The following PCDHA12 variants were observed in gnomAD, a reference collection of about 807,000 sequenced individuals.
PCDHA12 encodes the protein protocadherin alpha-12.
In PCDHA12, 44 loss-of-function variants were observed where a neutral mutation model predicts 60.0. The observed-to-expected ratio is 0.73, with a 90% CI of 0.58 to 0.94. The LOEUF (loss-of-function observed/expected upper bound fraction) is 0.94, where lower values mean the gene tolerates loss of function less well. PCDHA12 is among the 40% of genes least tolerant of loss of function. The probability of loss-of-function intolerance (pLI) is 0.00; values close to 1 mark genes in which losing one functional copy is unlikely to be tolerated. For missense variants in PCDHA12, 1,276 were observed against 1,239.7 expected (o/e 1.03, Z -0.44); for synonymous variants, 569 against 553.0 (o/e 1.03, Z -0.40).
intron 1 of PCDHA12, chr5:140,969,317 G>A (rs1554231675): frequency 6.2e-7 from 1 of 1,614,156 alleles, no homozygotes; most frequent in East Asian, 2.2e-5. Context: ...AAATGAGGCT[G>A]TTTCTCAAAA....
At chr5:140,903,429 G>T (rs782504374) in intron 1 of PCDHA12, among the ~76,000 whole-genome samples, 2 of 152,180 alleles carry the variant, frequency 1.3e-5, no homozygotes, top group South Asian at 4.1e-4. Context: ...AGCACAATAT[G>T]TATCAGTGGA....
chr5:140,956,194 A>G (rs1370463281), intron 1 of PCDHA12, among the ~76,000 whole-genome samples: 1 of 152,060 alleles, frequency 6.6e-6, no homozygotes, highest in Non-Finnish European at 1.5e-5. Flanking sequence ...GCTGAATAGG[A>G]GTGGTGAAAG....
intron 1 of PCDHA12, among the ~76,000 whole-genome samples, chr5:140,947,165 T>C (rs1034105702): frequency 6.6e-6 from 1 of 151,228 alleles, no homozygotes. Context: ...GGGTAGAAAA[T>C]GTGGTATATA....
intron 1 of PCDHA12, chr5:140,883,143 C>A (rs782699546): frequency 1.2e-6 from 2 of 1,614,042 alleles, no homozygotes; most frequent in South Asian, 1.1e-5. Context: ...GTGGTATATG[C>A]ATTTACCATA....
chr5:140,971,999 A>G (rs543282950), intron 1 of PCDHA12, among the ~76,000 whole-genome samples: 18 of 152,302 alleles, frequency 1.2e-4, no homozygotes, highest in African/African-American at 3.8e-4. Flanking sequence ...TCCAATGTTT[A>G]TATTCCCTTT....
chr5:140,953,961 G>C lies in PCDHA12; in HGVS notation c.2368-24988G>C, dbSNP rs140078691. ...CCCATTGCTCCCCCAACAGGCCCCA[G>C]TGTGTGTTGTTCCCCTTCATATTTT... On this transcript the variant is annotated intron_variant, in intron 1 of 3. Coordinates refer to ENST00000398631, the MANE Select transcript of PCDHA12 (RefSeq NM_018903.4). 1.0e-3 allele frequency among the ~76,000 whole-genome samples: 152 copies of C among 152,128 alleles called. 3 individuals are homozygous for C. In the East Asian group the frequency reaches 0.026, roughly 26 times the overall value.
At chr5:141,003,510 A>C (rs1468305070) in intron 3 of PCDHA12, among the ~76,000 whole-genome samples, 1 of 152,070 alleles carries the variant, frequency 6.6e-6, no homozygotes, top group African/African-American at 2.4e-5. Context: ...ATGGGGTTTC[A>C]CCATGTTCCC....
intron 1 of PCDHA12, among the ~76,000 whole-genome samples, chr5:140,950,382 A>G (rs1424724989): frequency 3.3e-5 from 5 of 151,950 alleles, no homozygotes; most frequent in African/African-American, 7.2e-5. Context: ...CTTCCATTTG[A>G]ATGATATAGA....
chr5:140,881,300 T>C, intron 1 of PCDHA12: 3 of 957,608 alleles, frequency 3.1e-6, no homozygotes, highest in Non-Finnish European at 3.7e-6. Flanking sequence ...ATGGAAACTT[T>C]AACCTCCTGG....
intron 3 of PCDHA12, among the ~76,000 whole-genome samples, chr5:140,995,873 C>T (rs1554254864): frequency 6.6e-6 from 1 of 152,126 alleles, no homozygotes; most frequent in Non-Finnish European, 1.5e-5. Flanking sequence ...AATTGTGCAA[C>T]CTGTGCTTCA....
rs1433546348 is a variant in PCDHA12, at chr5:140,877,005, C to A, written c.1533C>A (p.His511Gln). Residue 511 changes from histidine (H) to glutamine (Q), a missense_variant, in exon 1 of 4, where the codon CAC (histidine) becomes CAA (glutamine). By Grantham distance (24) the His-to-Gln change is conservative (BLOSUM62 0). Coordinates refer to ENST00000398631, the MANE Select transcript of PCDHA12 (RefSeq NM_018903.4). ...EHALSSYVSV[H>Q]AESGKVYALQ... ...CACTGTCGAGCTACGTGTCGGTGCA[C>A]GCGGAGAGCGGCAAGGTGTACGCGC... 6.2e-7 allele frequency: 1 copy of A among 1,612,356 alleles called. No homozygotes were observed. Among genetic ancestry groups the A allele is most frequent in the African/African-American group, 1.3e-5 (1 of 74,890 alleles).
At chr5:140,968,231 T>A in intron 1 of PCDHA12, 1 of 1,614,032 alleles carries the variant, frequency 6.2e-7, no homozygotes. Context: ...TGTGTTGCTC[T>A]GTACTGTGCA....
intron 1 of PCDHA12, among the ~76,000 whole-genome samples, chr5:140,974,053 T>C (rs529581642): frequency 6.6e-6 from 1 of 152,346 alleles, no homozygotes; most frequent in African/African-American, 2.4e-5. Flanking sequence ...TATGATAATA[T>C]TTGGAGCAGT....
At chr5:140,978,914 C>T (rs2096828574) in intron 1 of PCDHA12, 35 bp from the exon 2 acceptor site, 5 of 1,613,852 alleles carry the variant, frequency 3.1e-6, no homozygotes, top group Non-Finnish European at 3.4e-6. Flanking sequence ...ATTGTCTTGT[C>T]ATTTTAACAG....
intron 1 of PCDHA12, among the ~76,000 whole-genome samples, chr5:140,959,996 A>T (rs1042631849): frequency 3.3e-5 from 5 of 152,228 alleles, no homozygotes; most frequent in Admixed American, 6.5e-5. Context: ...GATATGAAAT[A>T]CAAATCTATT....
At chr5:140,926,987 G>A (rs782407289) in intron 1 of PCDHA12, 13 of 1,610,996 alleles carry the variant, frequency 8.1e-6, no homozygotes, top group Non-Finnish European at 1.1e-5. Flanking sequence ...GAGACGGAGC[G>A]GGGCGTAGCC....
chr5:141,006,765 G>T (rs1299930915), intron 3 of PCDHA12, among the ~76,000 whole-genome samples: 3 of 152,174 alleles, frequency 2.0e-5, no homozygotes, highest in Non-Finnish European at 4.4e-5. Context: ...ATGAAGAATA[G>T]AATAGAGAAA....
chr5:140,968,869 C>T, intron 1 of PCDHA12: 1 of 1,614,210 alleles, frequency 6.2e-7, no homozygotes, highest in Non-Finnish European at 8.5e-7. Flanking sequence ...CTCGGACATA[C>T]TCTGAAATTA....
At chr5:140,990,821 G>T (rs890499969) in intron 3 of PCDHA12, among the ~76,000 whole-genome samples, 1 of 152,172 alleles carries the variant, frequency 6.6e-6, no homozygotes, top group East Asian at 1.9e-4. Flanking sequence ...CCTTCTCTCA[G>T]CTAAAGCCTA....
Sources: gnomAD v4.1 joint callset for allele counts (sites outside exome capture counted in the v4.1 genomes callset) on GRCh38, gnomAD v4.1.1 for gene constraint, MANE v1.5 for transcripts, NCBI Gene and HGNC (gene_info 2026-07-23, HGNC 2026-07-21) for gene names.